MRTFA: variants seen among roughly 807,000 people sequenced by gnomAD.
The protein encoded by MRTFA is myocardin related transcription factor A, also known as myocardin-related transcription factor A.
In MRTFA, 20 loss-of-function variants were observed where a neutral mutation model predicts 83.5. The ratio of observed to expected loss-of-function variants is 0.24; its 90% CI spans 0.17 to 0.35. The LOEUF (loss-of-function observed/expected upper bound fraction) is 0.35. MRTFA is among the 10% of genes least tolerant of loss of function. The pLI is 1.00. For synonymous variants in MRTFA, 659 were observed against 541.2 expected, an observed-to-expected ratio of 1.22 and a Z score of -3.02; for missense variants, 1,200 against 1,224.7, an observed-to-expected ratio of 0.98 and a Z score of 0.30.
rs1442664869 is a variant in MRTFA, at chr22:40,498,270, TA to T, written c.242-34985del. On this transcript the variant is annotated intron_variant, in intron 3 of 14. Transcript: ENST00000355630. ...CACACTTCATATATATATATATATA[TA>T]TATTTTTTTTTTTTTTTTTTTTTTT... 8.8e-3 allele frequency among the ~76,000 whole-genome samples: 788 copies of T among 89,614 alleles called. 18 individuals carry two copies. The highest frequency in any genetic ancestry group is 0.013 in the African/African-American group (233 of 18,374). The allele number at this position is 89,614 out of a possible 152,430, so 58.8% of individuals were successfully genotyped here. A position where few individuals can be genotyped will look rare whatever the true frequency, so the allele number is the denominator to read the frequency against.
intron 14 of MRTFA, among the ~76,000 whole-genome samples, chr22:40,415,856 T>C (rs913808658): frequency 6.6e-6 from 1 of 151,976 alleles, no homozygotes; most frequent in Non-Finnish European, 1.5e-5. Context: ...GCTCCCTTGG[T>C]CACGGCTGGA....
chr22:40,629,626 A>T (rs1357595560), intron 1 of MRTFA, among the ~76,000 whole-genome samples: 1 of 150,560 alleles, frequency 6.6e-6, no homozygotes, highest in African/African-American at 2.4e-5. Flanking sequence ...TATACAAAAA[A>T]TTAGCTGGGC....
chr22:40,523,125 C>CA (rs139613292), intron 3 of MRTFA, among the ~76,000 whole-genome samples: 1,283 of 126,576 alleles, frequency 0.01, 3 homozygotes, highest in African/African-American at 0.014. Context: ...AGAAAAATGG[C>CA]AAAAAAAAAA....
chr22:40,461,101 C>T (rs776232293), intron 4 of MRTFA, among the ~76,000 whole-genome samples: 7 of 146,588 alleles, frequency 4.8e-5, no homozygotes, highest in African/African-American at 7.6e-5. Context: ...ATTCAGGAGG[C>T]TGAGGTGGGA....
chr22:40,452,599 G>A (rs1230736860), intron 4 of MRTFA, among the ~76,000 whole-genome samples: 3 of 151,832 alleles, frequency 2.0e-5, no homozygotes, highest in Non-Finnish European at 2.9e-5. Context: ...CGAGGTGGAC[G>A]GATCACCTGA....
chr22:40,457,720 T>C (rs1165758130), intron 4 of MRTFA, among the ~76,000 whole-genome samples: 1 of 152,232 alleles, frequency 6.6e-6, no homozygotes, highest in Non-Finnish European at 1.5e-5. Context: ...TTCAAGGTTT[T>C]TCTACTACTG....
intron 4 of MRTFA, among the ~76,000 whole-genome samples, chr22:40,441,915 G>A (rs1001004005): frequency 1.3e-5 from 2 of 151,900 alleles, no homozygotes; most frequent in South Asian, 2.1e-4. Flanking sequence ...TCAGTGTGTC[G>A]ACACAGATGT....
chr22:40,475,922 A>G (rs6001929), intron 3 of MRTFA, among the ~76,000 whole-genome samples: 2,304 of 152,288 alleles, frequency 0.015, 47 homozygotes, highest in Middle Eastern at 0.078. Flanking sequence ...AGGCGGGTGG[A>G]TCACGAGGTC....
chr22:40,549,057 CCACT>C (rs1261057048), intron 3 of MRTFA, among the ~76,000 whole-genome samples: 2 of 151,884 alleles, frequency 1.3e-5, no homozygotes, highest in Non-Finnish European at 2.9e-5. Context: ...ATTTTCCCAC[CCACT>C]GTTTCTGTTT....
intron 3 of MRTFA, among the ~76,000 whole-genome samples, chr22:40,506,733 T>C (rs1202591410): frequency 6.6e-6 from 1 of 152,202 alleles, no homozygotes; most frequent in Non-Finnish European, 1.5e-5. Flanking sequence ...TGTTTTTCTA[T>C]ATACCATGTC....
chr22:40,522,323 C>G (rs2054883536), intron 3 of MRTFA: 1 of 152,210 alleles, frequency 6.6e-6, no homozygotes, highest in East Asian at 1.9e-4. Flanking sequence ...CACGCCTTCC[C>G]CTCAGCTCGG....
intron 7 of MRTFA, among the ~76,000 whole-genome samples, chr22:40,428,741 C>G (rs1308656366): frequency 6.6e-6 from 1 of 152,070 alleles, no homozygotes; most frequent in Non-Finnish European, 1.5e-5. Flanking sequence ...AGGCTGGTCT[C>G]AAACTCCTGG....
intron 2 of MRTFA, among the ~76,000 whole-genome samples, chr22:40,560,880 T>C (rs949940053): frequency 2.6e-5 from 4 of 152,102 alleles, no homozygotes; most frequent in African/African-American, 9.7e-5. Context: ...GCATGAAATG[T>C]GTTAGAAGAA....
chr22:40,592,480 C>A, intron 2 of MRTFA, among the ~76,000 whole-genome samples: 1 of 148,172 alleles, frequency 6.7e-6, no homozygotes, highest in Admixed American at 6.7e-5. Flanking sequence ...AATCTGTGGA[C>A]ATTTTTTTTT....
intron 5 of MRTFA, among the ~76,000 whole-genome samples, chr22:40,432,024 T>C (rs2053078303): frequency 1.3e-5 from 2 of 152,136 alleles, no homozygotes; most frequent in African/African-American, 2.4e-5. Flanking sequence ...GGTGGGTGGA[T>C]CACCTGAGGT....
intron 4 of MRTFA, among the ~76,000 whole-genome samples, chr22:40,451,994 T>C (rs1401205345): frequency 7.5e-6 from 1 of 133,140 alleles, no homozygotes; most frequent in Non-Finnish European, 1.6e-5. Flanking sequence ...TTTTTTTTTT[T>C]TTTTTTTGAG....
chr22:40,506,665 G>C (rs1289514853), intron 3 of MRTFA, among the ~76,000 whole-genome samples: 1 of 152,166 alleles, frequency 6.6e-6, no homozygotes, highest in Non-Finnish European at 1.5e-5. Context: ...AAATGGGGGG[G>C]TGATGAATCA....
At chr22:40,457,436 G>GAGAAAGAAAGAAAGAA (rs555469044) in intron 4 of MRTFA, among the ~76,000 whole-genome samples, 2,196 of 119,794 alleles carry the variant, frequency 0.018, 35 homozygotes, top group East Asian at 0.035. Context: ...AAGAAAGAAA[G>GAGAAAGAAAGAAAGAA]AGAAAGAAAG....
intron 14 of MRTFA, among the ~76,000 whole-genome samples, chr22:40,414,548 A>G (rs1401662024): frequency 6.6e-6 from 1 of 152,202 alleles, no homozygotes; most frequent in Non-Finnish European, 1.5e-5. Flanking sequence ...AGCCTTTAAA[A>G]AGAGTGAAAT....
Sources: gnomAD v4.1 joint callset for allele counts (sites outside exome capture counted in the v4.1 genomes callset) on GRCh38, gnomAD v4.1.1 for gene constraint, MANE v1.5 for transcripts, NCBI Gene and HGNC (gene_info 2026-07-23, HGNC 2026-07-21) for gene names.